The following N4BP2 variants were observed in gnomAD, a reference collection of about 807,000 sequenced individuals.
The protein encoded by N4BP2 is NEDD4-binding protein 2.
Under a neutral mutation model 152.8 loss-of-function variants are expected in N4BP2, and 91 were observed. The ratio of observed to expected loss-of-function variants is 0.60; its 90% CI spans 0.50 to 0.71. N4BP2 has a LOEUF of 0.71. Among genes scored for constraint, N4BP2 ranks in the 30% least tolerant of loss-of-function variants. The pLI is 0.00. For synonymous variants in N4BP2, 646 were observed against 705.3 expected (o/e 0.92, Z 1.33); for missense variants, 1,923 against 2,059.1 (o/e 0.93, Z 1.28).
intron 6 of N4BP2, 128 bp downstream of exon 6, chr4:40,112,300 A>T: frequency 1.7e-6 from 1 of 585,912 alleles, no homozygotes; most frequent in Non-Finnish European, 3.0e-6. Flanking sequence ...ATGAGCTTTC[A>T]TTGGTGTTCA....
the N4BP2 span, among the ~76,000 whole-genome samples, chr4:40,178,514 G>C: frequency 6.6e-6 from 1 of 152,038 alleles, no homozygotes; most frequent in Non-Finnish European, 1.5e-5. Flanking sequence ...TGTAACTAGT[G>C]GTACTTGGGC....
chr4:40,074,055 G>A lies in N4BP2; in HGVS notation c.-115+504G>A, dbSNP rs938445004. ...GATCCGCCCGCCTCAGCCTCCCAAA[G>A]TACTGGGATTACAGGCGTGAGCCAC... On this transcript the variant is annotated intron_variant, in intron 2 of 17. Transcript: ENST00000261435. Among the ~76,000 whole-genome samples, 3 of 151,994 alleles carry A rather than the reference G, an allele frequency of 2.0e-5. No homozygotes were observed. In the South Asian group the frequency reaches 6.2e-4, roughly 32 times the overall value.
intron 2 of N4BP2, among the ~76,000 whole-genome samples, chr4:40,095,879 G>A (rs1275003427): frequency 6.6e-6 from 1 of 152,066 alleles, no homozygotes; most frequent in Non-Finnish European, 1.5e-5. Flanking sequence ...ACATATAGGG[G>A]TTTAGATCAG....
chr4:40,127,899 G>A (rs558863912), intron 12 of N4BP2, among the ~76,000 whole-genome samples: 98 of 152,258 alleles, frequency 6.4e-4, no homozygotes, highest in African/African-American at 2.2e-3. Flanking sequence ...CTGACCTTGT[G>A]ATCCACCTGC....
the N4BP2 span, among the ~76,000 whole-genome samples, chr4:40,180,859 G>C: frequency 6.6e-6 from 1 of 152,082 alleles, no homozygotes; most frequent in Non-Finnish European, 1.5e-5. Context: ...CTGGTATAAA[G>C]AAAAACTGTA....
intron 3 of N4BP2, among the ~76,000 whole-genome samples, chr4:40,101,662 AAG>A (rs922181010): frequency 3.9e-5 from 6 of 152,230 alleles, no homozygotes; most frequent in Non-Finnish European, 7.3e-5. Flanking sequence ...TAGATTTACT[AAG>A]AGAATACATA....
chr4:40,084,631 ATTT>A (rs67269894), intron 2 of N4BP2, among the ~76,000 whole-genome samples: 1 of 128,682 alleles, frequency 7.8e-6, no homozygotes, highest in Non-Finnish European at 1.6e-5. Context: ...TATATATATA[ATTT>A]TTTTTTTTTT....
chr4:40,122,307 C>G lies in N4BP2; in HGVS notation c.4196C>G (p.Ser1399Ter). ...NELFGPVGID[S>*]GSLTVEDCVV... ...TTATTTGGTCCTGTTGGTATTGATT[C>G]AGGTAAGGAAAAAGTAAATGACCAT... The change falls in exon 9 of 18, where the codon TCA (serine) becomes TGA (stop). Residue 1399 changes from serine (S) to a stop codon, truncating the protein, a stop_gained and splice_region_variant. Transcript: ENST00000261435. LOFTEE classifies it high-confidence loss of function. 6.4e-7 allele frequency: 1 copy of G among 1,550,534 alleles called. No individual in the cohort carries two copies. The highest frequency in any genetic ancestry group is 8.7e-7 in the Non-Finnish European group (1 of 1,143,404).
chr4:40,087,206 TC>T (rs1714059658), intron 2 of N4BP2, among the ~76,000 whole-genome samples: 1 of 152,044 alleles, frequency 6.6e-6, no homozygotes, highest in African/African-American at 2.4e-5. Context: ...TTTCACCCCT[TC>T]CTCCTTGCCC....
intron 15 of N4BP2, among the ~76,000 whole-genome samples, chr4:40,143,721 G>A (rs1215417633): frequency 6.6e-6 from 1 of 152,200 alleles, no homozygotes; most frequent in Non-Finnish European, 1.5e-5. Flanking sequence ...TTGGGGGATA[G>A]CTTCTGGGGT....
rs920413556 is a variant in N4BP2 at position 40,154,292 on chromosome 4, T to A, written c.*55T>A. 12 of 1,153,220 alleles carry A rather than the reference T, an allele frequency of 1.0e-5. No individual in the cohort carries two copies. The Admixed American group carries it at 2.6e-4, about 25-fold the overall frequency. 71.4% of individuals were successfully genotyped at this position (1,153,220 alleles called of 1,614,324 possible). ...GGTTTGTAGGTTAAAATTACTTTTA[T>A]TTGCAGTAATTCAGTCAATTCTACC... On this transcript the variant is annotated 3_prime_UTR_variant, in exon 18 of 18. Transcript: ENST00000261435.
At chr4:40,081,159 A>G (rs1014045651) in intron 2 of N4BP2, among the ~76,000 whole-genome samples, 9 of 152,158 alleles carry the variant, frequency 5.9e-5, no homozygotes, top group Non-Finnish European at 8.8e-5. Flanking sequence ...TGATTATGGA[A>G]AAAATGCATT....
chr4:40,169,508 C>T, the N4BP2 span, among the ~76,000 whole-genome samples: 2 of 151,190 alleles, frequency 1.3e-5, no homozygotes, highest in East Asian at 3.9e-4. Flanking sequence ...TGAGACTGCC[C>T]TCCTAAATAA....
intron 3 of N4BP2, 122 bp from the exon 4 acceptor site, chr4:40,101,953 G>A (rs1397766994): frequency 7.4e-6 from 4 of 543,968 alleles, no homozygotes; most frequent in Non-Finnish European, 1.2e-5. Context: ...CATGAATATT[G>A]TACATTTATA....
intron 14 of N4BP2, among the ~76,000 whole-genome samples, chr4:40,141,347 G>A (rs534615567): frequency 1.3e-5 from 2 of 150,336 alleles, no homozygotes; most frequent in Non-Finnish European, 3.0e-5. Context: ...GCTTCCGGGC[G>A]GAGGGTCTCC....
At chr4:40,058,637 G>A (rs919128615) in intron 1 of N4BP2, among the ~76,000 whole-genome samples, 1 of 152,040 alleles carries the variant, frequency 6.6e-6, no homozygotes, top group African/African-American at 2.4e-5. Flanking sequence ...GGAGATAGAA[G>A]TACTGTATTT....
At chr4:40,169,624 A>G in the N4BP2 span, among the ~76,000 whole-genome samples, 2,882 of 151,748 alleles carry the variant, frequency 0.019, 88 homozygotes, top group African/African-American at 0.065. Flanking sequence ...GCTGTATGTA[A>G]AGTACATAAA....
chr4:40,149,439 G>T (rs922926686), intron 16 of N4BP2, among the ~76,000 whole-genome samples: 3 of 152,204 alleles, frequency 2.0e-5, no homozygotes, highest in Non-Finnish European at 4.4e-5. Flanking sequence ...AATATGAGCA[G>T]TGACTGCTAT....
At chr4:40,104,505 A>G (rs540641379) in intron 4 of N4BP2, among the ~76,000 whole-genome samples, 1 of 152,002 alleles carries the variant, frequency 6.6e-6, no homozygotes, top group East Asian at 1.9e-4. Context: ...TTTTCAGTAG[A>G]CATGTAGGCT....
Sources: allele counts gnomAD v4.1 joint callset (sites outside exome capture counted in the v4.1 genomes callset), GRCh38; gene constraint gnomAD v4.1.1; transcripts MANE v1.5; gene names NCBI Gene and HGNC (gene_info 2026-07-23, HGNC 2026-07-21).